Variants in MPV17 observed in about 807,000 individuals in gnomAD.
MPV17 encodes MPV17, mitochondrial inner membrane protein.
A neutral mutation model predicts 28.6 loss-of-function variants in MPV17; 31 were observed. That is an observed-to-expected ratio of 1.08 (90% CI 0.81 to 1.46). The LOEUF is 1.46. Ranked by LOEUF, MPV17 falls within the 40% of genes most tolerant of loss-of-function variation. MPV17 has a pLI of 0.00. For missense variants in MPV17, 198 were observed against 216.2 expected, an observed-to-expected ratio of 0.92 and a Z score of 0.53; for synonymous variants, 87 against 85.3, an observed-to-expected ratio of 1.02 and a Z score of -0.11.
chr2:27,313,806 G>A (rs965669743), intron 2 of MPV17, among the ~76,000 whole-genome samples: 4 of 152,084 alleles, frequency 2.6e-5, no homozygotes, highest in Admixed American at 1.3e-4. Flanking sequence ...TCTGCCTCCC[G>A]ATTCAAGCGA....
intron 5 of MPV17, 69 bp from the exon 6 acceptor site, chr2:27,312,315 G>A: frequency 1.9e-6 from 3 of 1,541,512 alleles, no homozygotes; most frequent in Middle Eastern, 1.7e-4. Flanking sequence ...CAGTATGAAT[G>A]TCACACACAG....
At chr2:27,318,430 T>C (rs572409183) in intron 2 of MPV17, among the ~76,000 whole-genome samples, 1 of 152,068 alleles carries the variant, frequency 6.6e-6, no homozygotes, top group Non-Finnish European at 1.5e-5. Context: ...GGATCTTGGT[T>C]CATTGCAACC....
intron 7 of MPV17, chr2:27,311,259 C>T (rs1241110105): frequency 6.9e-6 from 2 of 291,614 alleles, no homozygotes; most frequent in Non-Finnish European, 1.3e-5. Context: ...TGAGGTCTCA[C>T]TATATTGCCC....
rs1456072968 is a variant in MPV17 at position 27,312,746 on chromosome 2, C to T, written c.213G>A (p.Lys71=). 6.2e-7 allele frequency: 1 copy of T among 1,614,200 alleles called. No homozygotes were observed. The highest frequency in any genetic ancestry group is 1.7e-5 in the Admixed American group (1 of 60,030). ...FVGPVVGGWY[K]VLDRFIPGTT... ...TGCCAGGGATGAACCGATCCAAAAC[C>T]TTGTACCAGCCTCCTACCACAGGGC... Residue 71 remains lysine (K), a synonymous_variant, in exon 4 of 8, where the codon AAG becomes AAA. Transcript: ENST00000380044.
In MPV17 at chr2:27,312,236, T is replaced by G. The variant is rs1306276527; in HGVS notation, c.386A>C (p.Asp129Ala). 2 of 1,614,028 alleles carry G rather than the reference T, an allele frequency of 1.2e-6. No individual in the cohort carries two copies. Among genetic ancestry groups the G allele is most frequent in the African/African-American group, 2.7e-5 (2 of 74,908 alleles). Residue 129 changes from aspartate (D) to alanine (A), a missense_variant, in exon 6 of 8, where the codon GAT (aspartate) becomes GCT (alanine). Asp to Ala is a moderately radical substitution (Grantham distance 126). Transcript: ENST00000380044. ...NWAKLQRDYP[D>A]ALITNYYLWP... ...TACATAGTAGTTGGTGATAAGGGCA[T>G]CAGGATAATCCTGGGGAGACAGAGA...
chr2:27,322,256 C>T, intron 2 of MPV17, 192 bp downstream of exon 2: 1 of 638,932 alleles, frequency 1.6e-6, no homozygotes, highest in South Asian at 1.8e-5. Context: ...GCTTGGCCAA[C>T]TACGCATACC....
rs182018397 is a variant in MPV17 at position 27,309,865 on chromosome 2, G to T, written c.*47C>A. The T allele has an allele frequency of 1.3e-6, 2 of 1,532,988 alleles. No individual in the cohort carries two copies. Among genetic ancestry groups the T allele is most frequent in the East Asian group, 2.2e-5 (1 of 44,534 alleles). The allele number at this position is 1,532,988 out of a possible 1,614,324, so 95.0% of individuals were successfully genotyped here. A position where few individuals can be genotyped will look rare whatever the true frequency, so the allele number is the denominator to read the frequency against. ...TGAGGAGGTTGTCTGACCGTTCCAG[G>T]GTCAAGCTGCATCACTGCAAGGTGG... On this transcript the variant is annotated 3_prime_UTR_variant, in exon 8 of 8. Transcript: ENST00000380044.
At position 27,311,544 on chromosome 2, in the gene MPV17, C is replaced by T. The variant is rs1572541323; in HGVS notation, c.461+355G>A. 67 of 1,517,922 alleles carry T rather than the reference C, an allele frequency of 4.4e-5. No homozygotes were observed. In the East Asian group the frequency reaches 1.5e-3, roughly 33 times the overall value. 94.0% of individuals were successfully genotyped at this position (1,517,922 alleles called of 1,614,324 possible). ...TCTTTATTGTGAGTGTCTGACCAGG[C>T]TCCTACTTGGCCTTCTGGTCTACCT... On this transcript the variant is annotated intron_variant, in intron 7 of 7. Transcript: ENST00000380044.
intron 7 of MPV17, 116 bp downstream of exon 7, chr2:27,311,783 G>C: frequency 1.3e-6 from 2 of 1,565,784 alleles, no homozygotes; most frequent in Admixed American, 3.9e-5. Context: ...TCTGATCACG[G>C]CTCAGTGTTC....
At chr2:27,316,113 T>C in intron 2 of MPV17, 1 of 1,550,958 alleles carries the variant, frequency 6.4e-7, no homozygotes. Context: ...ATGCACTTCC[T>C]CTCTGTCTTT....
At chr2:27,319,877 T>C (rs1383400457) in intron 2 of MPV17, among the ~76,000 whole-genome samples, 1 of 128,788 alleles carries the variant, frequency 7.8e-6, no homozygotes, top group South Asian at 2.5e-4. Flanking sequence ...AGTGAGCTGA[T>C]ATAGCACCAC....
intron 2 of MPV17, chr2:27,316,327 G>T: frequency 9.7e-7 from 1 of 1,027,704 alleles, no homozygotes; most frequent in Non-Finnish European, 1.4e-6. Flanking sequence ...CAGCCTTGGA[G>T]AAAGATGGAT....
rs1042901689 is a variant in MPV17 at position 27,309,556 on chromosome 2, A to C, written c.*356T>G. 2.0e-6 allele frequency: 1 copy of C among 505,846 alleles called. No individual in the cohort carries two copies. Among genetic ancestry groups the C allele is most frequent in the Non-Finnish European group, 3.5e-6 (1 of 281,900 alleles). 31.3% of individuals were successfully genotyped at this position (505,846 alleles called of 1,614,324 possible). A position where few individuals can be genotyped will look rare whatever the true frequency, so the allele number is the denominator to read the frequency against. On this transcript the variant is annotated 3_prime_UTR_variant, in exon 8 of 8. Coordinates refer to ENST00000380044, the MANE Select transcript of MPV17 (RefSeq NM_002437.5). ...CATATAAAGGGTTCCGGGAGTCTCT[A>C]AAGAGCTGGAGCTACAAGAAGCCTA...
intron 7 of MPV17, among the ~76,000 whole-genome samples, chr2:27,310,496 A>G (rs1679390347): frequency 6.6e-6 from 1 of 152,216 alleles, no homozygotes; most frequent in African/African-American, 2.4e-5. Flanking sequence ...TGAGAGCCTC[A>G]AAGGCTAAAT....
intron 2 of MPV17, among the ~76,000 whole-genome samples, chr2:27,314,746 C>T (rs1351408658): frequency 6.6e-6 from 1 of 152,248 alleles, no homozygotes; most frequent in Non-Finnish European, 1.5e-5. Context: ...GAGAGCCCCC[C>T]TCCAGACCCA....
intron 7 of MPV17, 66 bp from the exon 8 acceptor site, chr2:27,310,047 G>A: frequency 7.9e-7 from 1 of 1,259,412 alleles, no homozygotes; most frequent in South Asian, 1.2e-5. Flanking sequence ...CTGGAGATGG[G>A]AGCATGAAAT....
Position 27,317,035 on chromosome 2 carries a change from C to A in MPV17, c.71-3926G>T. 2.7e-6 allele frequency: 4 copies of A among 1,506,524 alleles called. No individual in the cohort carries two copies. Among genetic ancestry groups the A allele is most frequent in the Non-Finnish European group, 3.6e-6 (4 of 1,120,088 alleles). The allele number at this position is 1,506,524 out of a possible 1,614,324, so 93.3% of individuals were successfully genotyped here. A position where few individuals can be genotyped will look rare whatever the true frequency, so the allele number is the denominator to read the frequency against. Reference sequence around the variant, plus strand: ...TCCACACCCTCTTCCCGGGCATGGGCAGGGTAAATTCCCTACTTCTCCTAT... The same window carrying A: ...TCCACACCCTCTTCCCGGGCATGGGAAGGGTAAATTCCCTACTTCTCCTAT... On this transcript the variant is annotated intron_variant, in intron 2 of 7. Transcript: ENST00000380044. The surrounding 1 kb of genome is among the most constrained non-coding windows in gnomAD (Gnocchi z 4.0).
chr2:27,315,573 TA>T (rs1679619117), intron 2 of MPV17: 2 of 153,696 alleles, frequency 1.3e-5, no homozygotes, highest in Admixed American at 1.3e-4. Flanking sequence ...TTCACTCATT[TA>T]TTTTTGAGAT....
rs1451769512 is a variant in MPV17 at position 27,310,116 on chromosome 2, T to G, written c.462-135A>C. 6 of 732,124 alleles carry G rather than the reference T, an allele frequency of 8.2e-6. No individual in the cohort carries two copies. In the East Asian group the frequency reaches 1.6e-4, roughly 20 times the overall value. The allele number at this position is 732,124 out of a possible 1,614,324, so 45.4% of individuals were successfully genotyped here. On this transcript the variant is annotated intron_variant, in intron 7 of 7. Transcript: ENST00000380044. ...GTTTAGGTCTCTTTCCTTCAGCACC[T>G]TTTTTTTGAGATGGAGTCTCCTCTG... is the stretch of plus-strand genomic sequence containing the variant.
Sources: gnomAD v4.1 joint callset for allele counts (sites outside exome capture counted in the v4.1 genomes callset) on GRCh38, gnomAD v4.1.1 for gene constraint, Gnocchi (gnomAD v3.1) non-coding constraint, MANE v1.5 for transcripts, NCBI Gene and HGNC (gene_info 2026-07-23, HGNC 2026-07-21) for gene names.